CCDC66: variants seen among roughly 807,000 people sequenced by gnomAD.
The protein encoded by CCDC66 is coiled-coil domain containing 66.
Under a neutral mutation model 128.3 loss-of-function variants are expected in CCDC66, and 133 were observed. That is an observed-to-expected ratio of 1.04 (90% CI 0.90 to 1.20). The LOEUF (loss-of-function observed/expected upper bound fraction) is 1.20, where lower values mean the gene tolerates loss of function less well. Among genes scored for constraint, CCDC66 ranks in the 50% most tolerant of loss-of-function variants. The pLI is 0.00. For missense variants in CCDC66, 1,126 were observed against 1,075.5 expected, an observed-to-expected ratio of 1.05 and a Z score of -0.66; for synonymous variants, 387 against 357.0, an observed-to-expected ratio of 1.08 and a Z score of -0.95.
intron 7 of CCDC66, among the ~76,000 whole-genome samples, chr3:56,590,673 C>G (rs1418484009): frequency 6.6e-6 from 1 of 151,836 alleles, no homozygotes; most frequent in East Asian, 1.9e-4. Context: ...GCAGGAGGAT[C>G]ACTTGAGCAT....
At chr3:56,592,399 T>G (rs2071068657) in intron 7 of CCDC66, among the ~76,000 whole-genome samples, 1 of 152,214 alleles carries the variant, frequency 6.6e-6, no homozygotes, top group South Asian at 2.1e-4. Flanking sequence ...CTCACTCTGT[T>G]GCCCATGCTG....
At position 56,563,783 on chromosome 3, in the gene CCDC66, T is replaced by C. The variant is rs2065438319; in HGVS notation, c.202T>C (p.Leu68=). The C allele has an allele frequency of 6.4e-7, 1 of 1,551,970 alleles. No homozygotes were observed. The part of the protein sequence containing the change: ...QDTCIGSEKL[L]QKKPVGSETS... ...TACTTGTATTGGGAGTGAAAAACTT[T>C]TGCAAAAGAAGCCAGTTGGTTCAGA... is the stretch of plus-strand genomic sequence containing the variant. The change falls in exon 4 of 18, where the codon TTG becomes CTG. Residue 68 remains leucine, a synonymous_variant. Coordinates refer to ENST00000394672, the MANE Select transcript of CCDC66 (RefSeq NM_001141947.3).
At chr3:56,606,236 A>G (rs953677231) in intron 10 of CCDC66, among the ~76,000 whole-genome samples, 4 of 151,994 alleles carry the variant, frequency 2.6e-5, no homozygotes, top group African/African-American at 9.7e-5. Context: ...TCCGAGCCTG[A>G]CTACTTGCAA....
At chr3:56,588,355 A>G (rs936887939) in intron 7 of CCDC66, among the ~76,000 whole-genome samples, 3 of 152,156 alleles carry the variant, frequency 2.0e-5, no homozygotes, top group Admixed American at 6.5e-5. Flanking sequence ...GATTCAGTCT[A>G]TACTGCTCGG....
intron 7 of CCDC66, among the ~76,000 whole-genome samples, chr3:56,578,852 G>T (rs2067837188): frequency 6.6e-6 from 1 of 151,836 alleles, no homozygotes; most frequent in South Asian, 2.1e-4. Context: ...GTTCATCAGG[G>T]ATATTGGTCT....
Position 56,610,283 on chromosome 3 carries a change from C to T in CCDC66, c.1405-3306C>T, listed in dbSNP as rs1004271631. Among the ~76,000 whole-genome samples, 9 of 152,210 alleles carry T rather than the reference C, an allele frequency of 5.9e-5. 1 individual carries two copies. The highest frequency in any genetic ancestry group is 1.3e-4 in the Admixed American group (2 of 15,288). On this transcript the variant is annotated intron_variant, in intron 10 of 17. Transcript: ENST00000394672. ...GTTCAATTCTATTGCTGAGACTTTC[C>T]AGAGCATTTCATATTTCTAAAAGTG...
chr3:56,582,602 A>G (rs1481024639), intron 7 of CCDC66, among the ~76,000 whole-genome samples: 2 of 151,692 alleles, frequency 1.3e-5, no homozygotes, highest in Non-Finnish European at 2.9e-5. Context: ...GTAGAAACAC[A>G]ACTTATTTTT....
chr3:56,592,749 TTATTA>T (rs2071148223), intron 7 of CCDC66, among the ~76,000 whole-genome samples: 2 of 152,172 alleles, frequency 1.3e-5, no homozygotes, highest in Admixed American at 1.3e-4. Context: ...CTTAGATATC[TTATTA>T]TATATCTCTG....
chr3:56,616,344 T>C, intron 13 of CCDC66: 1 of 280,130 alleles, frequency 3.6e-6, no homozygotes, highest in South Asian at 3.5e-5. Flanking sequence ...TTTCTATTTC[T>C]CTTTTCTCCT....
chr3:56,617,678 T>C, intron 14 of CCDC66, 73 bp downstream of exon 14: 2 of 1,507,774 alleles, frequency 1.3e-6, no homozygotes, highest in East Asian at 2.3e-5. Context: ...ACGTATGCTT[T>C]GGTAAGGCTG....
intron 10 of CCDC66, among the ~76,000 whole-genome samples, chr3:56,612,434 T>G (rs1199867191): frequency 6.6e-6 from 1 of 152,178 alleles, no homozygotes; most frequent in Non-Finnish European, 1.5e-5. Flanking sequence ...ATGCCTGTCC[T>G]TGGGCCCCAG....
chr3:56,589,939 G>T (rs958485150), intron 7 of CCDC66, among the ~76,000 whole-genome samples: 3 of 152,116 alleles, frequency 2.0e-5, no homozygotes, highest in African/African-American at 7.2e-5. Context: ...GGGCCCTCTG[G>T]TTCCAGAGGG....
intron 10 of CCDC66, among the ~76,000 whole-genome samples, chr3:56,603,477 T>C (rs1450428154): frequency 1.3e-5 from 2 of 152,094 alleles, no homozygotes; most frequent in Non-Finnish European, 2.9e-5. Flanking sequence ...TAGATTTTGG[T>C]ACGTTGTCTC....
In CCDC66 at chr3:56,564,602, T is replaced by A. The variant is rs550247422; in HGVS notation, c.544+477T>A. 2.1e-3 allele frequency among the ~76,000 whole-genome samples: 313 copies of A among 152,306 alleles called. 12 individuals are homozygous for A. In the South Asian group the frequency reaches 0.058, roughly 28 times the overall value. On this transcript the variant is annotated intron_variant, in intron 4 of 17. Transcript: ENST00000394672. ...TGCTAAGAAATGGCAGTACTTTTTTTAAAAAACAAGGTTAACACAGATTTG... is the reference window on the plus strand; with the variant it reads ...TGCTAAGAAATGGCAGTACTTTTTTAAAAAAACAAGGTTAACACAGATTTG...
intron 7 of CCDC66, among the ~76,000 whole-genome samples, chr3:56,585,089 A>G (rs2069400586): frequency 7.9e-6 from 1 of 126,844 alleles, no homozygotes; most frequent in Admixed American, 8.5e-5. Flanking sequence ...GTGGAAAGAG[A>G]GGGAGAGGGA....
chr3:56,583,848 G>A (rs2068877457), intron 7 of CCDC66, among the ~76,000 whole-genome samples: 1 of 151,496 alleles, frequency 6.6e-6, no homozygotes, highest in South Asian at 2.1e-4. Flanking sequence ...CAGGAAGAGG[G>A]GCTCCTCACT....
At chr3:56,560,855 T>G in intron 3 of CCDC66, 2 of 455,986 alleles carry the variant, frequency 4.4e-6, no homozygotes, top group Non-Finnish European at 8.8e-6. Context: ...CCCTTTTATC[T>G]TTGCAGTGTC....
At chr3:56,610,244 T>A (rs921518563) in intron 10 of CCDC66, among the ~76,000 whole-genome samples, 1 of 152,192 alleles carries the variant, frequency 6.6e-6, no homozygotes, top group African/African-American at 2.4e-5. Flanking sequence ...GCTCTGAATT[T>A]CTTTCTTCTA....
At chr3:56,611,872 G>T (rs2074878949) in intron 10 of CCDC66, among the ~76,000 whole-genome samples, 2 of 152,218 alleles carry the variant, frequency 1.3e-5, no homozygotes, top group Admixed American at 6.5e-5. Context: ...GGGGGTGTGT[G>T]TTCGGGAGAG....
Sources: gnomAD v4.1 joint callset for allele counts (sites outside exome capture counted in the v4.1 genomes callset) on GRCh38, gnomAD v4.1.1 for gene constraint, MANE v1.5 for transcripts, NCBI Gene and HGNC (gene_info 2026-07-23, HGNC 2026-07-21) for gene names.